Variants in CFH observed in about 807,000 individuals in gnomAD.
The protein encoded by CFH is H factor 1 (complement).
In CFH, 53 loss-of-function variants were observed where a neutral mutation model predicts 147.3. That is an observed-to-expected ratio of 0.36 (90% confidence interval 0.29 to 0.45). The LOEUF is 0.45. Ranked by LOEUF, CFH falls within the 20% of genes least tolerant of loss-of-function variation. The probability of loss-of-function intolerance (pLI) is 1.00; values close to 1 mark genes in which losing one functional copy is unlikely to be tolerated. For missense variants in CFH, 1,380 were observed against 1,498.0 expected (o/e 0.92, Z 1.30); for synonymous variants, 536 against 489.4 (o/e 1.10, Z -1.26).
intron 17 of CFH, among the ~76,000 whole-genome samples, chr1:196,739,023 A>C (rs1255760493): frequency 6.6e-6 from 1 of 152,228 alleles, no homozygotes; most frequent in Non-Finnish European, 1.5e-5. Context: ...TAATCCACCA[A>C]GGCTTGGGGT....
chr1:196,723,011 A>G (rs905373077), intron 11 of CFH, among the ~76,000 whole-genome samples: 2 of 151,838 alleles, frequency 1.3e-5, no homozygotes, highest in Non-Finnish European at 2.9e-5. Flanking sequence ...TTGCTTTTCA[A>G]CTTTCTCTTG....
chr1:196,741,814 G>A, intron 18 of CFH, 61 bp from the exon 19 acceptor site: 1 of 1,439,234 alleles, frequency 6.9e-7, no homozygotes, highest in Non-Finnish European at 9.8e-7. Flanking sequence ...TCCATTACAT[G>A]TATTGTATGT....
At chr1:196,736,588 A>G (rs961415706) in intron 15 of CFH, among the ~76,000 whole-genome samples, 3 of 151,998 alleles carry the variant, frequency 2.0e-5, no homozygotes, top group South Asian at 2.1e-4. Context: ...AAGAAAGTCT[A>G]TGAGAATACA....
At chr1:196,718,895 C>T (rs927378280) in intron 11 of CFH, among the ~76,000 whole-genome samples, 2 of 152,032 alleles carry the variant, frequency 1.3e-5, no homozygotes, top group Admixed American at 6.6e-5. Flanking sequence ...AAACATTAAA[C>T]GAAGAAATAC....
chr1:196,727,327 G>A (rs1447871223), intron 14 of CFH, among the ~76,000 whole-genome samples: 1 of 151,838 alleles, frequency 6.6e-6, no homozygotes, highest in Non-Finnish European at 1.5e-5. Flanking sequence ...TATAGCAAAA[G>A]CCCATCTCTA....
chr1:196,736,907 G>A lies in CFH; in HGVS notation c.2497G>A (p.Glu833Lys), dbSNP rs772817957. ...MTTTLNYRDG[E>K]KVSVLCQENY... Reference sequence around the variant, plus strand: ...AACCACACTGAATTATCGGGATGGAGAAAAAGTATCTGTTCTTTGCCAAGA... The same window carrying A: ...AACCACACTGAATTATCGGGATGGAAAAAAAGTATCTGTTCTTTGCCAAGA... Residue 833 changes from glutamate (E) to lysine (K), a missense_variant, in exon 16 of 22, where the codon GAA becomes AAA. Around this residue, in one of 4 missense-constraint regions of CFH, gnomAD observed 830 missense variants for 821.4 expected, o/e 1.01. Coordinates refer to ENST00000367429, the MANE Select transcript of CFH (RefSeq NM_000186.4). The A allele has an allele frequency of 8.7e-6, 14 of 1,610,722 alleles. No individual in the cohort carries two copies. The South Asian group carries it at 1.3e-4, about 15-fold the overall frequency.
intron 9 of CFH, among the ~76,000 whole-genome samples, chr1:196,708,114 T>A (rs1324726675): frequency 6.6e-6 from 1 of 152,196 alleles, no homozygotes; most frequent in Non-Finnish European, 1.5e-5. Context: ...GTTTTAAAAC[T>A]TCTAATTATA....
chr1:196,690,346 T>A, intron 9 of CFH, 107 bp downstream of exon 9: 1 of 1,504,952 alleles, frequency 6.6e-7, no homozygotes, highest in Non-Finnish European at 9.2e-7. Context: ...TTATGTCACC[T>A]TGTTTTACCA....
At chr1:196,695,634 A>G (rs77377079) in intron 9 of CFH, among the ~76,000 whole-genome samples, 1 of 152,104 alleles carries the variant, frequency 6.6e-6, no homozygotes, top group African/African-American at 2.4e-5. Flanking sequence ...CTTCCTATCC[A>G]TGAGGATGGA....
chr1:196,655,699 C>A (rs1666662416), intron 1 of CFH, among the ~76,000 whole-genome samples: 2 of 152,252 alleles, frequency 1.3e-5, no homozygotes, highest in East Asian at 1.9e-4. Context: ...CCTGCCTAGG[C>A]CTTTGAGATT....
At chr1:196,681,284 T>C (rs1558158122) in intron 6 of CFH, among the ~76,000 whole-genome samples, 2 of 151,868 alleles carry the variant, frequency 1.3e-5, no homozygotes, top group African/African-American at 2.4e-5. Flanking sequence ...TATTTGAATA[T>C]GTGACTCTGT....
chr1:196,675,251 A>G (rs190233524), intron 3 of CFH, among the ~76,000 whole-genome samples: 129 of 152,236 alleles, frequency 8.5e-4, no homozygotes, highest in African/African-American at 3.0e-3. Flanking sequence ...CAAGTAGAGC[A>G]TTTTTTAGAT....
At chr1:196,742,088 G>A in intron 19 of CFH, 37 bp downstream of exon 19, 2 of 1,603,600 alleles carry the variant, frequency 1.2e-6, no homozygotes, top group Non-Finnish European at 1.7e-6. Context: ...TTTATATAAT[G>A]TGTGGGCCCA....
At chr1:196,673,823 A>G in intron 2 of CFH, 34 bp from the exon 3 acceptor site, 2 of 1,273,806 alleles carry the variant, frequency 1.6e-6, no homozygotes, top group Non-Finnish European at 2.3e-6. Flanking sequence ...CCTTGCTATT[A>G]CATACTAATT....
At chr1:196,692,840 C>T (rs1668109608) in intron 9 of CFH, among the ~76,000 whole-genome samples, 2 of 131,550 alleles carry the variant, frequency 1.5e-5, no homozygotes, top group Admixed American at 1.7e-4. Flanking sequence ...TTCTTTCTTT[C>T]TTCCTTCCCT....
chr1:196,715,750 T>G lies in CFH; in HGVS notation c.1677T>G (p.Ser559=). ...GSIVCGYNGW[S]DLPICYEREC... ...TAGTGTGTGGTTACAATGGTTGGTC[T>G]GATTTACCCATATGTTATGGTAAGT... The change falls in exon 11 of 22, where the codon TCT becomes TCG. Residue 559 remains serine (S), a synonymous_variant. Transcript: ENST00000367429. The G allele has an allele frequency of 5.0e-6, 8 of 1,612,546 alleles. No homozygotes were observed. Among genetic ancestry groups the G allele is most frequent in the Non-Finnish European group, 6.8e-6 (8 of 1,178,966 alleles).
chr1:196,680,898 C>A (rs1192545404), intron 6 of CFH, among the ~76,000 whole-genome samples: 1 of 151,794 alleles, frequency 6.6e-6, no homozygotes, highest in Non-Finnish European at 1.5e-5. Flanking sequence ...TTCACAATTG[C>A]GTGATCTCTA....
chr1:196,710,738 A>G (rs182187716), intron 9 of CFH, among the ~76,000 whole-genome samples: 14 of 152,000 alleles, frequency 9.2e-5, no homozygotes, highest in African/African-American at 3.4e-4. Context: ...CATGAATATT[A>G]TATATCCTTT....
intron 11 of CFH, among the ~76,000 whole-genome samples, chr1:196,722,379 A>C (rs1669020827): frequency 6.6e-6 from 1 of 152,138 alleles, no homozygotes; most frequent in South Asian, 2.1e-4. Flanking sequence ...ATAAATATGA[A>C]CTAATCTTTC....
Sources: gnomAD v4.1 joint callset for allele counts (sites outside exome capture counted in the v4.1 genomes callset) on GRCh38, gnomAD v4.1.1 for gene constraint, gnomAD v4.1.1 regional missense constraint, MANE v1.5 for transcripts, NCBI Gene and HGNC (gene_info 2026-07-23, HGNC 2026-07-21) for gene names.